ADGRV1: variants seen among roughly 807,000 people sequenced by gnomAD.
The protein encoded by ADGRV1 is adhesion G protein-coupled receptor V1, also known as G-protein coupled receptor 98.
A neutral mutation model predicts 596.2 loss-of-function variants in ADGRV1; 359 were observed. That is an observed-to-expected ratio of 0.60 (90% confidence interval 0.55 to 0.66). ADGRV1 has a LOEUF of 0.66. Ranked by LOEUF, ADGRV1 falls within the 30% of genes least tolerant of loss-of-function variation. ADGRV1 has a pLI of 0.00. For synonymous variants in ADGRV1, 2,681 were observed against 2,679.2 expected, an observed-to-expected ratio of 1.00 and a Z score of -0.02; for missense variants, 7,274 against 7,575.6, an observed-to-expected ratio of 0.96 and a Z score of 1.48.
chr5:90,626,974 C>G (rs370595071), intron 6 of ADGRV1, among the ~76,000 whole-genome samples: 1 of 152,174 alleles, frequency 6.6e-6, no homozygotes, highest in African/African-American at 2.4e-5. Context: ...TATACCTGGA[C>G]TTCATTACTT....
At position 90,667,850 on chromosome 5, in the gene ADGRV1, G is replaced by T. The variant is rs866322494; in HGVS notation, c.4753-4696G>T. Among the ~76,000 whole-genome samples the T allele has an allele frequency of 5.9e-3, 898 of 151,706 alleles. 2 individuals are homozygous for T. Among genetic ancestry groups the T allele is most frequent in the African/African-American group, 0.012 (503 of 41,286 alleles). On this transcript the variant is annotated intron_variant, in intron 21 of 89. Transcript: ENST00000405460. The stretch of plus-strand genomic sequence containing the variant: ...AACAGACAGGACCCTCAGCTGCAGG[G>T]CTGTTGGAGTACCCTGCCGTGTGAG...
chr5:90,759,736 C>A (rs1003061177), intron 58 of ADGRV1, 148 bp downstream of exon 58: 2 of 680,852 alleles, frequency 2.9e-6, no homozygotes, highest in East Asian at 2.8e-5. Context: ...GAGGCCGCAG[C>A]GGGCAGATCA....
At position 90,653,250 on chromosome 5, in the gene ADGRV1, C is replaced by T; in HGVS notation, c.3676C>T (p.Leu1226Phe). Residue 1226 changes from leucine (L) to phenylalanine (F), a missense_variant, in exon 20 of 90, where the codon CTC becomes TTC. Coordinates refer to ENST00000405460, the MANE Select transcript of ADGRV1 (RefSeq NM_032119.4). ...GPGGQLAETN[L>F]QVTVMVPFND... ...TGGGGGCCAGCTAGCAGAAACCAACCTCCAGGTGACAGTAATGGTTCCATT... is the reference window on the plus strand; with the variant it reads ...TGGGGGCCAGCTAGCAGAAACCAACTTCCAGGTGACAGTAATGGTTCCATT... 1.2e-6 allele frequency: 2 copies of T among 1,613,270 alleles called. No homozygotes were observed. Among genetic ancestry groups the T allele is most frequent in the Non-Finnish European group, 8.5e-7 (1 of 1,179,438 alleles).
intron 78 of ADGRV1, among the ~76,000 whole-genome samples, chr5:90,846,816 A>T (rs1019940456): frequency 6.6e-6 from 1 of 152,180 alleles, no homozygotes; most frequent in Non-Finnish European, 1.5e-5. Flanking sequence ...GGCCCCACCC[A>T]CATCCTGCTG....
chr5:90,620,467 G>T (rs1301288642), intron 4 of ADGRV1, among the ~76,000 whole-genome samples: 3 of 152,082 alleles, frequency 2.0e-5, no homozygotes, highest in Non-Finnish European at 2.9e-5. Context: ...TTGTAAATTT[G>T]TTTGAGTTCA....
At chr5:90,701,161 G>T (rs1164094246) in intron 34 of ADGRV1, among the ~76,000 whole-genome samples, 8 of 152,050 alleles carry the variant, frequency 5.3e-5, no homozygotes, top group Non-Finnish European at 8.8e-5. Context: ...TGTAAGGGTT[G>T]TTCTGCCTTT....
chr5:90,745,866 A>C (rs1014238633), intron 52 of ADGRV1, 71 bp downstream of exon 52: 33 of 875,048 alleles, frequency 3.8e-5, no homozygotes, highest in African/African-American at 6.6e-5. Flanking sequence ...ATTAGCTATT[A>C]TTAGCACTCA....
At chr5:90,885,942 T>C (rs758068952) in intron 83 of ADGRV1, among the ~76,000 whole-genome samples, 4 of 151,980 alleles carry the variant, frequency 2.6e-5, no homozygotes, top group Non-Finnish European at 5.9e-5. Flanking sequence ...CATTACCCAC[T>C]CCCAGTATAT....
At chr5:90,595,215 A>AC (rs1226274038) in intron 1 of ADGRV1, among the ~76,000 whole-genome samples, 4 of 43,610 alleles carry the variant, frequency 9.2e-5, no homozygotes, top group South Asian at 1.1e-3. Flanking sequence ...CGGGGGGCTG[A>AC]CCCCCCCACC....
Position 90,753,650 on chromosome 5 carries a change from A to G in ADGRV1, c.11198A>G (p.Glu3733Gly), listed in dbSNP as rs1755511496. ...GCTGATAATATACCAGAGTTATCAG[A>G]GGTTGTGATTGTAACCCTCACCCGT... ...ILADNIPELSEVVIVTLTRIT... is the reference protein window; with the variant it reads ...ILADNIPELSGVVIVTLTRIT... Residue 3733 changes from glutamate to glycine, a missense_variant, in exon 54 of 90, where the codon GAG becomes GGG. Coordinates refer to ENST00000405460, the MANE Select transcript of ADGRV1 (RefSeq NM_032119.4). 1 of 1,613,116 alleles carries G rather than the reference A, an allele frequency of 6.2e-7. No homozygotes were observed. The highest frequency in any genetic ancestry group is 8.5e-7 in the Non-Finnish European group (1 of 1,179,290).
chr5:90,795,748 C>G (rs1262503727), intron 70 of ADGRV1, among the ~76,000 whole-genome samples: 1 of 152,176 alleles, frequency 6.6e-6, no homozygotes, highest in Non-Finnish European at 1.5e-5. Flanking sequence ...TACAGGAGAG[C>G]TCTGGCTGGC....
chr5:91,065,568 C>T (rs1787812626), intron 85 of ADGRV1, among the ~76,000 whole-genome samples: 1 of 152,106 alleles, frequency 6.6e-6, no homozygotes, highest in Admixed American at 6.5e-5. Flanking sequence ...TGGTTGTAAG[C>T]GGAGTTCATG....
chr5:90,766,321 T>G (rs994607614), intron 59 of ADGRV1, among the ~76,000 whole-genome samples: 7 of 152,134 alleles, frequency 4.6e-5, no homozygotes, highest in African/African-American at 7.2e-5. Flanking sequence ...ACGCTGGATG[T>G]CTGGATATCA....
At chr5:90,933,069 A>G (rs1561963708) in intron 83 of ADGRV1, among the ~76,000 whole-genome samples, 1 of 152,226 alleles carries the variant, frequency 6.6e-6, no homozygotes, top group Non-Finnish European at 1.5e-5. Flanking sequence ...TTACTTAAAA[A>G]GCATGATTTC....
intron 85 of ADGRV1, among the ~76,000 whole-genome samples, chr5:91,015,448 C>A (rs978688465): frequency 6.6e-6 from 1 of 151,930 alleles, no homozygotes; most frequent in African/African-American, 2.4e-5. Flanking sequence ...TAATTTTCTG[C>A]CTCAATGGTC....
At chr5:90,703,502 A>T (rs1748175119) in intron 34 of ADGRV1, among the ~76,000 whole-genome samples, 163 bp from the exon 35 acceptor site, 1 of 152,168 alleles carries the variant, frequency 6.6e-6, no homozygotes, top group South Asian at 2.1e-4. Flanking sequence ...AATAAACAAT[A>T]AGCATGTATA....
At chr5:90,993,546 C>A (rs1475486419) in intron 85 of ADGRV1, among the ~76,000 whole-genome samples, 1 of 152,130 alleles carries the variant, frequency 6.6e-6, no homozygotes. Flanking sequence ...ATGGAATTTA[C>A]ACATTTTTGG....
At position 90,714,447 on chromosome 5, in the gene ADGRV1, CTT is replaced by C. The variant is rs1749810471; in HGVS notation, c.9185-2019_9185-2018del. ...TCATTTATCTTTTATTATAATGTCT[CTT>C]ATTATAAAAATTTTTTTAAATTTAA... On this transcript the variant is annotated intron_variant, in intron 42 of 89. Coordinates refer to ENST00000405460, the MANE Select transcript of ADGRV1 (RefSeq NM_032119.4). 4.6e-5 allele frequency among the ~76,000 whole-genome samples: 7 copies of C among 151,742 alleles called. No homozygotes were observed. The South Asian group carries it at 1.5e-3, about 32-fold the overall frequency.
intron 68 of ADGRV1, among the ~76,000 whole-genome samples, chr5:90,788,572 G>A (rs756872992): frequency 7.9e-5 from 12 of 151,876 alleles, no homozygotes; most frequent in Admixed American, 1.3e-4. Context: ...GGTGTTTTTG[G>A]AATATTTGAC....
Sources: allele counts gnomAD v4.1 joint callset (sites outside exome capture counted in the v4.1 genomes callset), GRCh38; gene constraint gnomAD v4.1.1; transcripts MANE v1.5; gene names NCBI Gene and HGNC (gene_info 2026-07-23, HGNC 2026-07-21).